The following TCF7L1 variants were observed in gnomAD, a reference collection of about 807,000 sequenced individuals.
The protein encoded by TCF7L1 is transcription factor 7-like 1.
TCF7L1 carries 18 observed loss-of-function variants against 63.7 expected under a neutral mutation model. The ratio of observed to expected loss-of-function variants is 0.28; its 90% CI spans 0.20 to 0.42. The LOEUF (loss-of-function observed/expected upper bound fraction) is 0.42. Ranked by LOEUF, TCF7L1 falls within the 10% of genes least tolerant of loss-of-function variation. The probability of loss-of-function intolerance (pLI) is 1.00; values close to 1 mark genes in which losing one functional copy is unlikely to be tolerated. For missense variants in TCF7L1, 654 were observed against 779.3 expected, an observed-to-expected ratio of 0.84 and a Z score of 1.91; for synonymous variants, 355 against 340.9, an observed-to-expected ratio of 1.04 and a Z score of -0.46.
intron 4 of TCF7L1, among the ~76,000 whole-genome samples, chr2:85,292,882 T>A (rs1681758901): frequency 6.6e-6 from 1 of 152,214 alleles, no homozygotes; most frequent in Admixed American, 6.5e-5. Context: ...CCAGCCCAAG[T>A]CAACTATTTC....
chr2:85,148,056 C>G (rs1028489040), intron 3 of TCF7L1, among the ~76,000 whole-genome samples: 4 of 152,124 alleles, frequency 2.6e-5, no homozygotes, highest in African/African-American at 9.7e-5. Context: ...AGTGCATGAG[C>G]TGAAAACACT....
intron 11 of TCF7L1, among the ~76,000 whole-genome samples, chr2:85,307,967 C>G (rs142770152): frequency 2.0e-5 from 3 of 152,288 alleles, no homozygotes; most frequent in Admixed American, 1.3e-4. Flanking sequence ...CCTAGACAAT[C>G]TAATTCCATT....
chr2:85,186,745 T>G (rs1203547398), intron 3 of TCF7L1: 1 of 152,204 alleles, frequency 6.6e-6, no homozygotes, highest in Non-Finnish European at 1.5e-5. Context: ...GCCTGAATAA[T>G]TCCATAAAAC....
At chr2:85,242,245 G>A (rs1420586044) in intron 3 of TCF7L1, among the ~76,000 whole-genome samples, 1 of 96,232 alleles carries the variant, frequency 1.0e-5, no homozygotes, top group Non-Finnish European at 2.9e-5. Flanking sequence ...TGGCTTCCCT[G>A]GGTCACTTGG....
At chr2:85,187,692 C>G (rs1258982238) in intron 3 of TCF7L1, among the ~76,000 whole-genome samples, 2 of 152,194 alleles carry the variant, frequency 1.3e-5, no homozygotes, top group African/African-American at 4.8e-5. Flanking sequence ...ATGTCTAGCC[C>G]TCTACCAAGA....
chr2:85,309,673 AT>A lies in TCF7L1; in HGVS notation c.*212del. On this transcript the variant is annotated 3_prime_UTR_variant, in exon 12 of 12. Coordinates refer to ENST00000282111, the MANE Select transcript of TCF7L1 (RefSeq NM_031283.3). Reference sequence around the variant, plus strand: ...AAACAAAACAAAACAACAAAAAAAAATCTTTATAAGAAAGAGAACTGAAAAG... The same window carrying A: ...AAACAAAACAAAACAACAAAAAAAAACTTTATAAGAAAGAGAACTGAAAAG... 2.1e-6 allele frequency: 1 copy of A among 478,968 alleles called. No homozygotes were observed. Among genetic ancestry groups the A allele is most frequent in the Non-Finnish European group, 3.5e-6 (1 of 282,924 alleles). 29.7% of individuals were successfully genotyped at this position (478,968 alleles called of 1,614,324 possible).
At chr2:85,172,534 C>G (rs1240445805) in intron 3 of TCF7L1, among the ~76,000 whole-genome samples, 3 of 152,206 alleles carry the variant, frequency 2.0e-5, no homozygotes, top group Non-Finnish European at 4.4e-5. Context: ...TCAAGCGATT[C>G]TCCTGCCTCA....
At chr2:85,188,532 C>T (rs1326617070) in intron 3 of TCF7L1, among the ~76,000 whole-genome samples, 1 of 152,140 alleles carries the variant, frequency 6.6e-6, no homozygotes, top group Non-Finnish European at 1.5e-5. Flanking sequence ...AAAATATGGA[C>T]ATACAGTTGC....
At chr2:85,280,574 A>AT in intron 3 of TCF7L1, among the ~76,000 whole-genome samples, 1 of 152,292 alleles carries the variant, frequency 6.6e-6, no homozygotes, top group South Asian at 2.1e-4. Context: ...GAGTTGATGG[A>AT]TTTTTAGGTA....
At chr2:85,163,206 C>T (rs1678329435) in intron 3 of TCF7L1, among the ~76,000 whole-genome samples, 1 of 152,132 alleles carries the variant, frequency 6.6e-6, no homozygotes, top group East Asian at 1.9e-4. Context: ...TCAGGCTTTG[C>T]TGGAATTTTC....
intron 3 of TCF7L1, among the ~76,000 whole-genome samples, chr2:85,172,688 A>C (rs534454930): frequency 6.6e-6 from 1 of 152,214 alleles, no homozygotes; most frequent in South Asian, 2.1e-4. Context: ...GGCCTCCCAA[A>C]GTGCTAGATT....
At chr2:85,259,994 C>G (rs1166836906) in intron 3 of TCF7L1, among the ~76,000 whole-genome samples, 1 of 152,132 alleles carries the variant, frequency 6.6e-6, no homozygotes, top group Non-Finnish European at 1.5e-5. Flanking sequence ...CCCCCAGCAG[C>G]CTCCCCCACA....
At chr2:85,248,678 A>C (rs1305910337) in intron 3 of TCF7L1, among the ~76,000 whole-genome samples, 4 of 152,204 alleles carry the variant, frequency 2.6e-5, no homozygotes, top group African/African-American at 9.7e-5. Context: ...TAAACCATCA[A>C]GATTGCTAGC....
At chr2:85,163,468 C>T (rs1005169835) in intron 3 of TCF7L1, among the ~76,000 whole-genome samples, 3 of 152,148 alleles carry the variant, frequency 2.0e-5, no homozygotes, top group Non-Finnish European at 2.9e-5. Flanking sequence ...TCCTGCCCGA[C>T]CAGAAGCAGA....
intron 3 of TCF7L1, among the ~76,000 whole-genome samples, chr2:85,282,652 G>A (rs1405438338): frequency 6.6e-6 from 1 of 152,100 alleles, no homozygotes; most frequent in African/African-American, 2.4e-5. Flanking sequence ...AGCCTATGTT[G>A]GCAGAGTAAG....
intron 3 of TCF7L1, among the ~76,000 whole-genome samples, chr2:85,194,229 C>T (rs556446454): frequency 6.6e-6 from 1 of 151,994 alleles, no homozygotes; most frequent in Non-Finnish European, 1.5e-5. Flanking sequence ...AAGGCATTGC[C>T]AAGTTGGAAT....
chr2:85,285,677 G>A (rs1056129272), intron 4 of TCF7L1, among the ~76,000 whole-genome samples: 11 of 152,206 alleles, frequency 7.2e-5, no homozygotes, highest in Middle Eastern at 3.2e-3. Flanking sequence ...CCTGGTGGAG[G>A]ATGTGCGGAC....
intron 3 of TCF7L1, among the ~76,000 whole-genome samples, chr2:85,196,478 G>A (rs1248096258): frequency 6.6e-6 from 1 of 152,034 alleles, no homozygotes; most frequent in Non-Finnish European, 1.5e-5. Flanking sequence ...TACCTGGGGA[G>A]CTTGGATGAT....
chr2:85,208,490 T>C (rs1410887003), intron 3 of TCF7L1, among the ~76,000 whole-genome samples: 1 of 152,130 alleles, frequency 6.6e-6, no homozygotes, highest in Admixed American at 6.5e-5. Flanking sequence ...TCCGTGTGTG[T>C]CACCGCATGG....
Sources: allele counts gnomAD v4.1 joint callset (sites outside exome capture counted in the v4.1 genomes callset), GRCh38; gene constraint gnomAD v4.1.1; transcripts MANE v1.5; gene names NCBI Gene and HGNC (gene_info 2026-07-23, HGNC 2026-07-21).